PI15: variants seen among roughly 807,000 people sequenced by gnomAD.
PI15 encodes 25 kDa trypsin inhibitor.
Under a neutral mutation model 31.0 loss-of-function variants are expected in PI15, and 18 were observed. That is an observed-to-expected ratio of 0.58 (90% CI 0.40 to 0.86). The LOEUF (loss-of-function observed/expected upper bound fraction) is 0.86. Ranked by LOEUF, PI15 falls within the 40% of genes least tolerant of loss-of-function variation. PI15 has a pLI of 0.00. For synonymous variants in PI15, 118 were observed against 119.1 expected (o/e 0.99, Z 0.06); for missense variants, 282 against 328.1 (o/e 0.86, Z 1.09).
At position 74,854,762 on chromosome 8, in the gene PI15, T is replaced by A. The variant is rs570316881; in HGVS notation, c.*5509T>A. Reference sequence around the variant, plus strand: ...GATGCATATATATAAACACTATTTTTAAAAAATATCTAAATATGTCTCACA... The same window carrying A: ...GATGCATATATATAAACACTATTTTAAAAAAATATCTAAATATGTCTCACA... On this transcript the variant is annotated 3_prime_UTR_variant, in exon 6 of 6. Transcript: ENST00000260113. 11 of 152,238 alleles carry A rather than the reference T, an allele frequency of 7.2e-5. No homozygotes were observed. The highest frequency in any genetic ancestry group is 9.6e-5 in the African/African-American group (4 of 41,556). 9.4% of individuals were successfully genotyped at this position (152,238 alleles called of 1,614,324 possible). A position where few individuals can be genotyped will look rare whatever the true frequency, so the allele number is the denominator to read the frequency against.
In PI15 at chr8:74,825,507, A is replaced by C; in HGVS notation, c.258A>C (p.Ala86=). 1.9e-6 allele frequency: 3 copies of C among 1,612,354 alleles called. No individual in the cohort carries two copies. Among genetic ancestry groups the C allele is most frequent in the Non-Finnish European group, 2.5e-6 (3 of 1,179,100 alleles). ...QVRGKVFPPA[A]NMEYMVWDEN... is the part of the protein sequence containing the mutation. ...GGGGCAAAGTGTTCCCACCGGCAGC[A>C]AATATGGAATATATGGTAAGAAGAA... is the stretch of plus-strand genomic sequence containing the variant. Residue 86 remains alanine (A), a synonymous_variant, in exon 2 of 6, where the codon GCA becomes GCC. Coordinates refer to ENST00000260113, the MANE Select transcript of PI15 (RefSeq NM_015886.5).
At chr8:74,849,089 A>G in intron 5 of PI15, 29 bp from the exon 6 acceptor site, 1 of 1,602,740 alleles carries the variant, frequency 6.2e-7, no homozygotes, top group Non-Finnish European at 8.5e-7. Context: ...GGGTTGCACT[A>G]ATGCTATCTT....
At chr8:74,828,585 A>G (rs1252531942) in intron 2 of PI15, among the ~76,000 whole-genome samples, 1 of 152,106 alleles carries the variant, frequency 6.6e-6, no homozygotes, top group Non-Finnish European at 1.5e-5. Context: ...CTTGTTCAAC[A>G]TTGATTTGGA....
rs931456135 is a variant in PI15 at position 74,854,925 on chromosome 8, A to G, written c.*5672A>G. Reference sequence around the variant, plus strand: ...TTGTGATATAGTATTGTCAGTGTGTACATATATAAAACCTGTGTAAACCTC... The same window carrying G: ...TTGTGATATAGTATTGTCAGTGTGTGCATATATAAAACCTGTGTAAACCTC... On this transcript the variant is annotated 3_prime_UTR_variant, in exon 6 of 6. Transcript: ENST00000260113. 1 of 152,164 alleles carries G rather than the reference A, an allele frequency of 6.6e-6. No individual in the cohort carries two copies. Among genetic ancestry groups the G allele is most frequent in the African/African-American group, 2.4e-5 (1 of 41,444 alleles). 9.4% of individuals were successfully genotyped at this position (152,164 alleles called of 1,614,324 possible).
intron 3 of PI15, 101 bp from the exon 4 acceptor site, chr8:74,845,027 A>T: frequency 9.8e-7 from 1 of 1,016,634 alleles, no homozygotes; most frequent in Non-Finnish European, 1.5e-6. Context: ...TTGGATCATC[A>T]TGAATAATCT....
chr8:74,831,598 C>T (rs116542170), intron 2 of PI15, among the ~76,000 whole-genome samples: 2,626 of 152,120 alleles, frequency 0.017, 69 homozygotes, highest in African/African-American at 0.059. Flanking sequence ...AAGGGACTCT[C>T]TTTGGTAGGA....
Position 74,850,701 on chromosome 8 carries a change from A to G in PI15, c.*1448A>G, listed in dbSNP as rs1174165768. ...TTTCAGTTCTTCATTGAGTTTGATT[A>G]TGGAAATCCATTCAAAGTCACTATG... On this transcript the variant is annotated 3_prime_UTR_variant, in exon 6 of 6. Transcript: ENST00000260113. The G allele has an allele frequency of 6.6e-6, 1 of 152,170 alleles. No individual in the cohort carries two copies. Among genetic ancestry groups the G allele is most frequent in the East Asian group, 1.9e-4 (1 of 5,192 alleles). 9.4% of individuals were successfully genotyped at this position (152,170 alleles called of 1,614,324 possible).
rs139187064 is a variant in PI15, at chr8:74,840,869, A to C, written c.274-3112A>C. 2.0e-3 allele frequency among the ~76,000 whole-genome samples: 297 copies of C among 152,274 alleles called. 2 individuals are homozygous for C. The highest frequency in any genetic ancestry group is 4.6e-4 in the Non-Finnish European group (31 of 68,016). ...CTCCTTCCCTGTAACTACCTTCTCCAATATATAATATTTGTGCATAGAAAT... is the reference window on the plus strand; with the variant it reads ...CTCCTTCCCTGTAACTACCTTCTCCCATATATAATATTTGTGCATAGAAAT... On this transcript the variant is annotated intron_variant, in intron 2 of 5. Coordinates refer to ENST00000260113, the MANE Select transcript of PI15 (RefSeq NM_015886.5).
rs536545202 is a variant in PI15 at position 74,844,057 on chromosome 8, T to C, written c.350T>C (p.Leu117Ser). 1.9e-6 allele frequency: 3 copies of C among 1,602,180 alleles called. No homozygotes were observed. Among genetic ancestry groups the C allele is most frequent in the South Asian group, 2.2e-5 (2 of 90,844 alleles). The change falls in exon 3 of 6, where the codon TTA (leucine) becomes TCA (serine). Residue 117 changes from leucine (L) to serine (S), a missense_variant. By Grantham distance (145) the Leu-to-Ser change is moderately radical. Transcript: ENST00000260113. Reference sequence around the variant, plus strand: ...ATTTGGGACCATGGACCTTCTTACTTACTGAGATTTTTGGGCCAAAATCTA... The same window carrying C: ...ATTTGGGACCATGGACCTTCTTACTCACTGAGATTTTTGGGCCAAAATCTA... ...TCIWDHGPSYLLRFLGQNLSV... is the reference protein window; with the variant it reads ...TCIWDHGPSYSLRFLGQNLSV...
At chr8:74,848,732 T>TATAGAGAGAGAG (rs1191072583) in intron 5 of PI15, among the ~76,000 whole-genome samples, 6 of 136,354 alleles carry the variant, frequency 4.4e-5, no homozygotes, top group African/African-American at 1.4e-4. Context: ...TATATATATA[T>TATAGAGAGAGAG]AGAGAGAGAG....
At chr8:74,837,583 C>T (rs1810889562) in intron 2 of PI15, among the ~76,000 whole-genome samples, 1 of 152,140 alleles carries the variant, frequency 6.6e-6, no homozygotes, top group Admixed American at 6.6e-5. Flanking sequence ...TTTGGCATCA[C>T]TTAATTTTTT....
chr8:74,829,465 T>G (rs1193821261), intron 2 of PI15, among the ~76,000 whole-genome samples: 2 of 152,064 alleles, frequency 1.3e-5, no homozygotes, highest in Non-Finnish European at 2.9e-5. Flanking sequence ...CACACTAGTT[T>G]CTTAGAATAA....
chr8:74,827,172 T>G (rs1198242071), intron 2 of PI15, among the ~76,000 whole-genome samples: 3 of 152,110 alleles, frequency 2.0e-5, no homozygotes, highest in Non-Finnish European at 4.4e-5. Context: ...TGGGTTCAAA[T>G]CCTAACTCTG....
At chr8:74,828,119 C>G (rs1418068162) in intron 2 of PI15, among the ~76,000 whole-genome samples, 1 of 152,048 alleles carries the variant, frequency 6.6e-6, no homozygotes, top group Non-Finnish European at 1.5e-5. Flanking sequence ...GGTGGGGAAT[C>G]AGACAATAAG....
intron 2 of PI15, among the ~76,000 whole-genome samples, chr8:74,829,787 G>A (rs780046029): frequency 1.3e-5 from 2 of 152,094 alleles, no homozygotes; most frequent in Non-Finnish European, 2.9e-5. Context: ...ATAATCTCTA[G>A]TTGGCAGATC....
chr8:74,828,761 T>C (rs1810736511), intron 2 of PI15, among the ~76,000 whole-genome samples: 1 of 152,092 alleles, frequency 6.6e-6, no homozygotes, highest in South Asian at 2.1e-4. Flanking sequence ...TAACAGAAGA[T>C]GGTCTTTGGC....
intron 2 of PI15, 87 bp downstream of exon 2, chr8:74,825,609 G>T: frequency 9.3e-7 from 1 of 1,080,354 alleles, no homozygotes; most frequent in Non-Finnish European, 1.3e-6. Flanking sequence ...GACCACGAGT[G>T]TTTATATGTC....
chr8:74,831,127 G>T (rs1810776162), intron 2 of PI15, among the ~76,000 whole-genome samples: 1 of 152,134 alleles, frequency 6.6e-6, no homozygotes, highest in Non-Finnish European at 1.5e-5. Flanking sequence ...CCAGCCAAAG[G>T]TAAGAACATT....
intron 5 of PI15, among the ~76,000 whole-genome samples, chr8:74,847,594 C>T (rs570247998): frequency 6.6e-6 from 1 of 152,252 alleles, no homozygotes; most frequent in Admixed American, 6.5e-5. Context: ...CAAGAGGAAG[C>T]TTATCCTTAT....
Sources: allele counts gnomAD v4.1 joint callset (sites outside exome capture counted in the v4.1 genomes callset), GRCh38; gene constraint gnomAD v4.1.1; transcripts MANE v1.5; gene names NCBI Gene and HGNC (gene_info 2026-07-23, HGNC 2026-07-21).